Variants in ABLIM2 observed in about 807,000 individuals in gnomAD.
The protein encoded by ABLIM2 is actin binding LIM protein family member 2.
Under a neutral mutation model 97.7 loss-of-function variants are expected in ABLIM2, and 53 were observed. The observed-to-expected ratio is 0.54, with a 90% confidence interval of 0.44 to 0.68. The LOEUF is 0.68. Among genes scored for constraint, ABLIM2 ranks in the 30% least tolerant of loss-of-function variants. The pLI, the probability that ABLIM2 is intolerant of heterozygous loss-of-function variation, is 0.00. For synonymous variants in ABLIM2, 361 were observed against 345.8 expected, an observed-to-expected ratio of 1.04 and a Z score of -0.49; for missense variants, 835 against 867.2, an observed-to-expected ratio of 0.96 and a Z score of 0.47.
intron 2 of ABLIM2, among the ~76,000 whole-genome samples, chr4:8,104,212 G>A (rs1561436152): frequency 6.6e-6 from 1 of 152,216 alleles, no homozygotes. Flanking sequence ...GTGGGAGGAT[G>A]GAGGCCGGCC....
At chr4:8,114,519 C>T (rs1452835284) in intron 1 of ABLIM2, among the ~76,000 whole-genome samples, 1 of 152,164 alleles carries the variant, frequency 6.6e-6, no homozygotes, top group African/African-American at 2.4e-5. Flanking sequence ...ACTGCCCCGC[C>T]CAAGTGTTAC....
At chr4:8,145,673 G>C (rs1578515412) in intron 1 of ABLIM2, among the ~76,000 whole-genome samples, 2 of 151,084 alleles carry the variant, frequency 1.3e-5, no homozygotes, top group East Asian at 3.9e-4. Context: ...TGGCAACCAT[G>C]GATTTTGCTC....
At chr4:7,981,350 T>C (rs1738243622) in intron 20 of ABLIM2, among the ~76,000 whole-genome samples, 1 of 152,210 alleles carries the variant, frequency 6.6e-6, no homozygotes, top group Non-Finnish European at 1.5e-5. Context: ...AATCCACCTA[T>C]GACCTGTAAG....
chr4:8,002,573 C>A lies in ABLIM2; in HGVS notation c.1618+5486G>T, dbSNP rs1324832387. On this transcript the variant is annotated intron_variant, in intron 16 of 20. Coordinates refer to ENST00000447017, the MANE Select transcript of ABLIM2 (RefSeq NM_001130083.2). This position sits in a 1 kb window ranked among gnomAD's most constrained non-coding sequence, Gnocchi z 6.1. Reference sequence around the variant, plus strand: ...CCCCTCCCTGGCACTGCGCTCCAGACCTTTCCTGATTGGACCTCGGCCTGC... The same window carrying A: ...CCCCTCCCTGGCACTGCGCTCCAGAACTTTCCTGATTGGACCTCGGCCTGC... 2.0e-5 allele frequency among the ~76,000 whole-genome samples: 3 copies of A among 152,206 alleles called. No individual in the cohort carries two copies. Among genetic ancestry groups the A allele is most frequent in the African/African-American group, 7.2e-5 (3 of 41,452 alleles).
chr4:8,009,516 C>T (rs1763513249), intron 14 of ABLIM2, among the ~76,000 whole-genome samples: 2 of 152,208 alleles, frequency 1.3e-5, no homozygotes, highest in Admixed American at 6.5e-5. Flanking sequence ...CCTGCCTCAG[C>T]CACCCGGTAG....
rs936952978 is a variant in ABLIM2, at chr4:8,085,257, C to T, written c.454+2912G>A. 1.3e-5 allele frequency among the ~76,000 whole-genome samples: 2 copies of T among 152,026 alleles called. No individual in the cohort carries two copies. The highest frequency in any genetic ancestry group is 6.5e-5 in the Admixed American group (1 of 15,270). Reference sequence around the variant, plus strand: ...AGCCATGTGAGGCCCCACCCTGCTGCCCCCCGGCCCAGCAAGCTGGCCAGG... The same window carrying T: ...AGCCATGTGAGGCCCCACCCTGCTGTCCCCCGGCCCAGCAAGCTGGCCAGG... On this transcript the variant is annotated intron_variant, in intron 4 of 20. Coordinates refer to ENST00000447017, the MANE Select transcript of ABLIM2 (RefSeq NM_001130083.2). The surrounding 1 kb of genome is among the most constrained non-coding windows in gnomAD (Gnocchi z 6.1).
chr4:8,088,427 C>T, intron 3 of ABLIM2, 143 bp from the exon 4 acceptor site: 2 of 653,160 alleles, frequency 3.1e-6, no homozygotes, highest in South Asian at 3.7e-5. Context: ...AATGCAGGGC[C>T]TCTCCACCCA....
intron 1 of ABLIM2, among the ~76,000 whole-genome samples, chr4:8,118,238 G>A (rs1347833164): frequency 6.6e-6 from 1 of 152,196 alleles, no homozygotes; most frequent in Non-Finnish European, 1.5e-5. Context: ...CTTGCACACT[G>A]ACTGCCATCT....
chr4:7,993,700 C>A (rs900907645), intron 16 of ABLIM2, among the ~76,000 whole-genome samples: 3 of 152,146 alleles, frequency 2.0e-5, no homozygotes, highest in African/African-American at 7.2e-5. Flanking sequence ...AAAAAAAATC[C>A]TGAGTTGCTT....
At chr4:8,144,075 A>G (rs1382520166) in intron 1 of ABLIM2, among the ~76,000 whole-genome samples, 1 of 152,128 alleles carries the variant, frequency 6.6e-6, no homozygotes, top group Non-Finnish European at 1.5e-5. Context: ...CTGTAGCCTG[A>G]TGGTCCTCTT....
At chr4:8,152,954 C>T (rs1016764013) in intron 1 of ABLIM2, among the ~76,000 whole-genome samples, 3 of 152,120 alleles carry the variant, frequency 2.0e-5, no homozygotes, top group Non-Finnish European at 4.4e-5. Context: ...GTAGGTTTTA[C>T]GGAGCCCTAC....
chr4:8,139,229 A>G (rs1461218708), intron 1 of ABLIM2, among the ~76,000 whole-genome samples: 1 of 138,616 alleles, frequency 7.2e-6, no homozygotes, highest in Non-Finnish European at 1.6e-5. Flanking sequence ...GAAAAGGGAA[A>G]AGGGAAGGGA....
intron 9 of ABLIM2, among the ~76,000 whole-genome samples, chr4:8,039,874 G>GTTTTTTTTTTTT: frequency 9.2e-6 from 1 of 108,630 alleles, no homozygotes; most frequent in Non-Finnish European, 1.9e-5. Context: ...GCTGATTACT[G>GTTTTTTTTTTTT]TTTTTTTTTT....
intron 6 of ABLIM2, among the ~76,000 whole-genome samples, chr4:8,066,305 C>CA (rs760606194): frequency 1.2e-3 from 52 of 43,782 alleles, no homozygotes; most frequent in South Asian, 3.7e-3. Flanking sequence ...GACTATGTCT[C>CA]AAAAAAAAAA....
At chr4:8,024,276 G>A (rs559339705) in intron 12 of ABLIM2, among the ~76,000 whole-genome samples, 1 of 152,212 alleles carries the variant, frequency 6.6e-6, no homozygotes, top group South Asian at 2.1e-4. Flanking sequence ...TCCTGCCCCC[G>A]CTGTCGGCTC....
At chr4:8,158,345 C>A (rs937988727) in intron 1 of ABLIM2, among the ~76,000 whole-genome samples, 6 of 152,316 alleles carry the variant, frequency 3.9e-5, no homozygotes, top group African/African-American at 1.4e-4. Flanking sequence ...CCCCAGGCCC[C>A]CGCGCGGACC....
intron 16 of ABLIM2, among the ~76,000 whole-genome samples, chr4:7,993,513 C>T (rs1750637478): frequency 6.6e-6 from 1 of 152,050 alleles, no homozygotes; most frequent in Non-Finnish European, 1.5e-5. Context: ...GCAAGACCAC[C>T]CCTACAAAAA....
At chr4:7,995,779 C>A (rs1216162986) in intron 16 of ABLIM2, among the ~76,000 whole-genome samples, 1 of 152,214 alleles carries the variant, frequency 6.6e-6, no homozygotes, top group Non-Finnish European at 1.5e-5. Context: ...AAACGAGGAG[C>A]TGGGAAGACA....
chr4:8,115,267 G>C (rs1842317393), intron 1 of ABLIM2, among the ~76,000 whole-genome samples: 1 of 152,200 alleles, frequency 6.6e-6, no homozygotes, highest in Non-Finnish European at 1.5e-5. Flanking sequence ...GCTCAGGGCT[G>C]GCCCGGACAT....
Sources: gnomAD v4.1 joint callset for allele counts (sites outside exome capture counted in the v4.1 genomes callset) on GRCh38, gnomAD v4.1.1 for gene constraint, Gnocchi (gnomAD v3.1) non-coding constraint, MANE v1.5 for transcripts, NCBI Gene and HGNC (gene_info 2026-07-23, HGNC 2026-07-21) for gene names.